Variants in GABRB3 observed in about 807,000 individuals in gnomAD.
GABRB3 encodes gamma-aminobutyric acid type A receptor subunit beta3, also known as gamma-aminobutyric acid receptor subunit beta-3.
GABRB3 carries 14 observed loss-of-function variants against 52.1 expected under a neutral mutation model. The ratio of observed to expected loss-of-function variants is 0.27; its 90% CI spans 0.18 to 0.42. GABRB3 has a LOEUF of 0.42. Ranked by LOEUF, GABRB3 falls within the 10% of genes least tolerant of loss-of-function variation. GABRB3 has a pLI of 1.00. For synonymous variants in GABRB3, 260 were observed against 232.3 expected, an observed-to-expected ratio of 1.12 and a Z score of -1.08; for missense variants, 307 against 609.1, an observed-to-expected ratio of 0.50 and a Z score of 5.22.
intron 3 of GABRB3, among the ~76,000 whole-genome samples, chr15:26,696,417 T>G (rs1445021653): frequency 6.6e-6 from 1 of 152,112 alleles, no homozygotes; most frequent in Non-Finnish European, 1.5e-5. Flanking sequence ...ATGAATAAAC[T>G]GAGGCCCGAT....
rs927488194 is a variant in GABRB3, at chr15:26,546,012, G to C, written c.*1781C>G. 1 of 152,612 alleles carries C rather than the reference G, an allele frequency of 6.6e-6. No individual in the cohort carries two copies. The allele number at this position is 152,612 out of a possible 1,614,324, so 9.5% of individuals were successfully genotyped here. On this transcript the variant is annotated 3_prime_UTR_variant, in exon 9 of 9. Transcript: ENST00000311550. ...AATCAAGTAGTGGTCAGCTCATGGGGATAGTCCACACCACACGCATCCTCG... is the reference window on the plus strand; with the variant it reads ...AATCAAGTAGTGGTCAGCTCATGGGCATAGTCCACACCACACGCATCCTCG...
At chr15:26,624,347 G>C in intron 3 of GABRB3, 1 of 985,508 alleles carries the variant, frequency 1.0e-6, no homozygotes, top group Non-Finnish European at 1.2e-6. Flanking sequence ...TGAAATAGAA[G>C]TTTCACTTGT....
intron 3 of GABRB3, among the ~76,000 whole-genome samples, chr15:26,746,470 T>A (rs1890342200): frequency 6.6e-6 from 1 of 152,220 alleles, no homozygotes; most frequent in African/African-American, 2.4e-5. Flanking sequence ...TTTCCTTTTA[T>A]GAATCATGCT....
chr15:26,693,690 G>GGA (rs145068737), intron 3 of GABRB3, among the ~76,000 whole-genome samples: 11 of 151,936 alleles, frequency 7.2e-5, no homozygotes, highest in South Asian at 2.1e-4. Context: ...CCTGAAAACT[G>GGA]GAGAGAGAGA....
chr15:26,595,330 C>G (rs1035255097), intron 4 of GABRB3, among the ~76,000 whole-genome samples: 5 of 152,198 alleles, frequency 3.3e-5, no homozygotes, highest in African/African-American at 1.2e-4. Flanking sequence ...AAGATCTGCT[C>G]TGCTCCCTCT....
At chr15:26,664,978 G>A (rs1174004438) in intron 3 of GABRB3, among the ~76,000 whole-genome samples, 2 of 151,996 alleles carry the variant, frequency 1.3e-5, no homozygotes, top group Admixed American at 1.3e-4. Flanking sequence ...GGGATTACAG[G>A]CGTGAACGCC....
rs564910744 is a variant in GABRB3, at chr15:26,567,481, C to T, written c.835+100G>A. The T allele has an allele frequency of 2.3e-5, 26 of 1,139,688 alleles. No individual in the cohort carries two copies. In the Admixed American group the frequency reaches 2.5e-4, roughly 11 times the overall value. 70.6% of individuals were successfully genotyped at this position (1,139,688 alleles called of 1,614,324 possible). A position where few individuals can be genotyped will look rare whatever the true frequency, so the allele number is the denominator to read the frequency against. The stretch of plus-strand genomic sequence containing the variant: ...CTATACAGGCAATGCTTGTGTCACG[C>T]TGTCAAAAAATGGTAGTTGAACTAC... On this transcript the variant is annotated intron_variant, in intron 7 of 8. Transcript: ENST00000311550.
intron 3 of GABRB3, among the ~76,000 whole-genome samples, chr15:26,751,877 A>T (rs1890519485): frequency 6.6e-6 from 1 of 152,156 alleles, no homozygotes. Flanking sequence ...TGCATTGCTG[A>T]TTTTCAGGCA....
chr15:26,572,658 G>A (rs1411004044), intron 6 of GABRB3, among the ~76,000 whole-genome samples: 2 of 152,246 alleles, frequency 1.3e-5, no homozygotes. Flanking sequence ...ATCACAGCTA[G>A]TGGCAAATAA....
chr15:26,593,724 G>C (rs148979040), intron 4 of GABRB3, among the ~76,000 whole-genome samples: 90 of 152,040 alleles, frequency 5.9e-4, no homozygotes, highest in African/African-American at 2.1e-3. Context: ...TCTGTTGGCA[G>C]ACATTTGGGT....
chr15:26,732,111 T>C (rs1013632298), intron 3 of GABRB3, among the ~76,000 whole-genome samples: 7 of 151,254 alleles, frequency 4.6e-5, no homozygotes, highest in Admixed American at 3.3e-4. Context: ...GATGGATAGA[T>C]GGATGGACAG....
Position 26,589,477 on chromosome 15 carries a change from A to G in GABRB3, c.462-6063T>C, listed in dbSNP as rs144419173. ...TATGAATAGTTTTGATTCACTGTAA[A>G]CACTGGAGAGAACAGATTAAAATGT... is the stretch of plus-strand genomic sequence containing the variant. On this transcript the variant is annotated intron_variant, in intron 4 of 8. Transcript: ENST00000311550. Among the ~76,000 whole-genome samples the G allele has an allele frequency of 1.9e-3, 288 of 152,280 alleles. 2 individuals carry two copies. The highest frequency in any genetic ancestry group is 6.7e-3 in the African/African-American group (279 of 41,560).
At chr15:26,737,617 A>ATGTGTGTG (rs138524604) in intron 3 of GABRB3, among the ~76,000 whole-genome samples, 2 of 149,310 alleles carry the variant, frequency 1.3e-5, no homozygotes, top group East Asian at 2.0e-4. Flanking sequence ...ATTTACTACA[A>ATGTGTGTG]TGTGTGTGTG....
chr15:26,704,203 T>G (rs542092513), intron 3 of GABRB3, among the ~76,000 whole-genome samples: 236 of 152,328 alleles, frequency 1.5e-3, no homozygotes, highest in Admixed American at 5.8e-3. Flanking sequence ...GAGCCACAGT[T>G]CAGCCTGCTT....
At chr15:26,712,755 C>T (rs989600930) in intron 3 of GABRB3, among the ~76,000 whole-genome samples, 2 of 152,092 alleles carry the variant, frequency 1.3e-5, no homozygotes, top group Non-Finnish European at 2.9e-5. Flanking sequence ...CCTGTGCCCA[C>T]GGCCACCTCG....
intron 4 of GABRB3, among the ~76,000 whole-genome samples, chr15:26,608,021 A>G (rs1891905655): frequency 6.6e-6 from 1 of 151,908 alleles, no homozygotes; most frequent in South Asian, 2.1e-4. Flanking sequence ...TCATAGCAAA[A>G]GGAGCAAAGC....
chr15:26,601,942 G>A (rs1208648622), intron 4 of GABRB3, among the ~76,000 whole-genome samples: 1 of 152,114 alleles, frequency 6.6e-6, no homozygotes, highest in Non-Finnish European at 1.5e-5. Context: ...GGGAATAAAT[G>A]ATGTAATCAA....
chr15:26,753,932 G>A (rs1358508371), intron 3 of GABRB3, among the ~76,000 whole-genome samples: 2 of 152,148 alleles, frequency 1.3e-5, no homozygotes, highest in African/African-American at 2.4e-5. Context: ...ATGTTAGGAT[G>A]AAGGCCTTGA....
chr15:26,598,894 T>G (rs1566766570), intron 4 of GABRB3, among the ~76,000 whole-genome samples: 1 of 152,218 alleles, frequency 6.6e-6, no homozygotes, highest in Non-Finnish European at 1.5e-5. Context: ...CAAAGCTGAT[T>G]TGGTTGCCTT....
Sources: gnomAD v4.1 joint callset for allele counts (sites outside exome capture counted in the v4.1 genomes callset) on GRCh38, gnomAD v4.1.1 for gene constraint, MANE v1.5 for transcripts, NCBI Gene and HGNC (gene_info 2026-07-23, HGNC 2026-07-21) for gene names.